CACNB4: variants seen among roughly 807,000 people sequenced by gnomAD.
The protein encoded by CACNB4 is voltage-dependent L-type calcium channel subunit beta-4.
Under a neutral mutation model 71.2 loss-of-function variants are expected in CACNB4, and 32 were observed. The observed-to-expected ratio is 0.45, with a 90% confidence interval of 0.34 to 0.60. The LOEUF is 0.60. Ranked by LOEUF, CACNB4 falls within the 20% of genes least tolerant of loss-of-function variation. CACNB4 has a pLI of 0.01. For synonymous variants in CACNB4, 231 were observed against 236.9 expected (o/e 0.97, Z 0.23); for missense variants, 464 against 647.9 (o/e 0.72, Z 3.08).
rs940226916 is a variant in CACNB4 at position 151,834,995 on chromosome 2, G to C, written c.*4124C>G. On this transcript the variant is annotated 3_prime_UTR_variant, in exon 14 of 14. Coordinates refer to ENST00000539935, the MANE Select transcript of CACNB4 (RefSeq NM_000726.5). ...TAGCATTTATTTGAAACATTGATAT[G>C]AAGTTTATTCCAATTACATGGGAGT... is the stretch of plus-strand genomic sequence containing the variant. 6.6e-6 allele frequency: 1 copy of C among 151,888 alleles called. No homozygotes were observed. The highest frequency in any genetic ancestry group is 2.4e-5 in the African/African-American group (1 of 41,414). 9.4% of individuals were successfully genotyped at this position (151,888 alleles called of 1,614,324 possible).
At chr2:151,911,985 T>C (rs1461719928) in intron 2 of CACNB4, among the ~76,000 whole-genome samples, 1 of 152,220 alleles carries the variant, frequency 6.6e-6, no homozygotes, top group African/African-American at 2.4e-5. Context: ...TCTCTGATGG[T>C]AATTTGTATT....
chr2:151,893,265 A>G (rs1375889087), intron 2 of CACNB4, among the ~76,000 whole-genome samples: 5 of 152,090 alleles, frequency 3.3e-5, no homozygotes, highest in African/African-American at 1.2e-4. Context: ...TTTTTGAGAC[A>G]GAGGCTTGTT....
chr2:151,945,488 CA>C (rs2099865321), intron 2 of CACNB4, among the ~76,000 whole-genome samples: 1 of 151,804 alleles, frequency 6.6e-6, no homozygotes, highest in Non-Finnish European at 1.5e-5. Context: ...CTTGTCTCTA[CA>C]AAAATTATAA....
chr2:151,871,039 A>T (rs1221434331), intron 6 of CACNB4, 178 bp from the exon 7 acceptor site: 1 of 607,218 alleles, frequency 1.6e-6, no homozygotes, highest in Non-Finnish European at 3.0e-6. Context: ...AATTTTGAAG[A>T]TGTATGAAAA....
intron 2 of CACNB4, among the ~76,000 whole-genome samples, chr2:151,893,532 G>C (rs78852198): frequency 2.0e-4 from 31 of 152,118 alleles, no homozygotes; most frequent in African/African-American, 7.5e-4. Context: ...ATGAGCCATC[G>C]CACTCAGTCT....
intron 2 of CACNB4, chr2:152,048,441 AAG>A (rs1235854320): frequency 1.0e-4 from 16 of 152,482 alleles, no homozygotes; most frequent in African/African-American, 3.1e-4. Flanking sequence ...CCAAGGGAGA[AAG>A]AGAATCTGTC....
intron 2 of CACNB4, among the ~76,000 whole-genome samples, chr2:151,986,373 G>A (rs1681370784): frequency 6.6e-6 from 1 of 152,188 alleles, no homozygotes; most frequent in South Asian, 2.1e-4. Context: ...AACTCAAGAA[G>A]AGCCTCTGTC....
At chr2:152,046,614 CT>C (rs971251142) in intron 2 of CACNB4, among the ~76,000 whole-genome samples, 2 of 152,198 alleles carry the variant, frequency 1.3e-5, no homozygotes, top group Non-Finnish European at 2.9e-5. Context: ...ACTTTGACCA[CT>C]GGAAGTCCAC....
intron 2 of CACNB4, among the ~76,000 whole-genome samples, chr2:151,975,941 C>T (rs189045363): frequency 1.0e-3 from 154 of 152,324 alleles, no homozygotes; most frequent in Non-Finnish European, 1.8e-3. Flanking sequence ...CAAGATGAGA[C>T]AAATTGTTCC....
At chr2:151,965,746 T>TC (rs11439155) in intron 2 of CACNB4, among the ~76,000 whole-genome samples, 109,943 of 151,874 alleles carry the variant, frequency 0.72, 43,593 homozygotes, top group Middle Eastern at 0.92. Context: ...GATTTTTTTT[T>TC]TTAGAGATGA....
At chr2:151,877,713 T>C (rs2151434834) in intron 4 of CACNB4, among the ~76,000 whole-genome samples, 1 of 152,314 alleles carries the variant, frequency 6.6e-6, no homozygotes, top group East Asian at 1.9e-4. Context: ...CTGAGCGTAT[T>C]ATATATTTGT....
chr2:151,942,536 C>T (rs1325235640), intron 2 of CACNB4, among the ~76,000 whole-genome samples: 4 of 148,836 alleles, frequency 2.7e-5, no homozygotes, highest in Non-Finnish European at 5.9e-5. Context: ...CGAAGGAAGA[C>T]AACCATAAGG....
chr2:152,049,171 T>A (rs571125587), intron 2 of CACNB4, among the ~76,000 whole-genome samples: 2,419 of 150,360 alleles, frequency 0.016, 62 homozygotes, highest in African/African-American at 0.055. Context: ...TTTTTTTTTT[T>A]AAACTTTTTT....
intron 2 of CACNB4, among the ~76,000 whole-genome samples, chr2:151,959,992 G>A (rs1051328752): frequency 6.6e-5 from 10 of 152,150 alleles, no homozygotes; most frequent in Non-Finnish European, 1.0e-4. Context: ...CTGCCTCACC[G>A]TTCTTATAAC....
chr2:151,901,980 T>C (rs1301051137), intron 2 of CACNB4, among the ~76,000 whole-genome samples: 1 of 151,390 alleles, frequency 6.6e-6, no homozygotes, highest in Non-Finnish European at 1.5e-5. Flanking sequence ...TGAGAATAAG[T>C]AGATGCAGCT....
intron 2 of CACNB4, among the ~76,000 whole-genome samples, chr2:152,086,968 C>A (rs554387319): frequency 6.6e-6 from 1 of 152,048 alleles, no homozygotes; most frequent in African/African-American, 2.4e-5. Context: ...CACATCTCTA[C>A]TAAAAAATAC....
intron 2 of CACNB4, among the ~76,000 whole-genome samples, chr2:152,039,490 A>G (rs990330105): frequency 2.0e-5 from 3 of 152,114 alleles, no homozygotes; most frequent in South Asian, 4.1e-4. Flanking sequence ...TTTTGGAGGA[A>G]GCCTACACTT....
chr2:151,933,515 G>A (rs984926443), intron 2 of CACNB4, among the ~76,000 whole-genome samples: 11 of 151,928 alleles, frequency 7.2e-5, no homozygotes, highest in African/African-American at 2.2e-4. Context: ...GTAACAGATA[G>A]AAAAACTGTG....
At chr2:151,991,286 T>C (rs1328765151) in intron 2 of CACNB4, among the ~76,000 whole-genome samples, 1 of 152,228 alleles carries the variant, frequency 6.6e-6, no homozygotes, top group Admixed American at 6.5e-5. Context: ...GGAGATCCAA[T>C]TTAGTTCTTA....
Sources: allele counts gnomAD v4.1 joint callset (sites outside exome capture counted in the v4.1 genomes callset), GRCh38; gene constraint gnomAD v4.1.1; transcripts MANE v1.5; gene names NCBI Gene and HGNC (gene_info 2026-07-23, HGNC 2026-07-21).